The following MAGI1 variants were observed in gnomAD, a reference collection of about 807,000 sequenced individuals.
MAGI1 encodes the protein membrane associated guanylate kinase, WW and PDZ domain containing 1.
In MAGI1, 58 loss-of-function variants were observed where a neutral mutation model predicts 139.9. The ratio of observed to expected loss-of-function variants is 0.41; its 90% confidence interval spans 0.34 to 0.52. The LOEUF (loss-of-function observed/expected upper bound fraction) is 0.52, where lower values mean the gene tolerates loss of function less well. Ranked by LOEUF, MAGI1 falls within the 20% of genes least tolerant of loss-of-function variation. MAGI1 has a pLI of 0.12. For synonymous variants in MAGI1, 812 were observed against 737.9 expected, an observed-to-expected ratio of 1.10 and a Z score of -1.63; for missense variants, 1,874 against 1,901.6, an observed-to-expected ratio of 0.99 and a Z score of 0.27.
intron 3 of MAGI1, among the ~76,000 whole-genome samples, chr3:65,482,929 T>A (rs1951379507): frequency 6.6e-6 from 1 of 152,194 alleles, no homozygotes. Context: ...ACATACTAAA[T>A]CAAGGATTTC....
intron 2 of MAGI1, among the ~76,000 whole-genome samples, chr3:65,576,945 A>T (rs1001880344): frequency 3.9e-5 from 6 of 152,254 alleles, no homozygotes; most frequent in Non-Finnish European, 8.8e-5. Context: ...TCTAGTTTAT[A>T]TAACCCTAGT....
chr3:65,618,202 C>T (rs535720652), intron 2 of MAGI1, among the ~76,000 whole-genome samples: 1 of 152,102 alleles, frequency 6.6e-6, no homozygotes, highest in Admixed American at 6.5e-5. Context: ...GGTTGAAGCG[C>T]AGAGTGGGAG....
Position 66,038,340 on chromosome 3 carries a change from A to C in MAGI1, c.-32T>G, listed in dbSNP as rs749403510. On this transcript the variant is annotated 5_prime_UTR_variant, in exon 1 of 23. Coordinates refer to ENST00000402939, the MANE Select transcript of MAGI1 (RefSeq NM_001033057.2). ...TTACACCCCTCCTCCAAAAAAATAA[A>C]ACGAGAGACAGGTGCCCCCCACAGC... 2 of 1,515,460 alleles carry C rather than the reference A, an allele frequency of 1.3e-6. No individual in the cohort carries two copies. The highest frequency in any genetic ancestry group is 1.8e-6 in the Non-Finnish European group (2 of 1,133,718). The allele number at this position is 1,515,460 out of a possible 1,614,324, so 93.9% of individuals were successfully genotyped here.
At chr3:65,522,829 A>G (rs1275888873) in intron 2 of MAGI1, among the ~76,000 whole-genome samples, 1 of 152,150 alleles carries the variant, frequency 6.6e-6, no homozygotes, top group East Asian at 1.9e-4. Flanking sequence ...TGGAGATTCT[A>G]TACCTATAAT....
chr3:65,888,158 G>C (rs758649567), intron 1 of MAGI1, among the ~76,000 whole-genome samples: 6 of 152,146 alleles, frequency 3.9e-5, no homozygotes, highest in Non-Finnish European at 7.4e-5. Flanking sequence ...TGGTAAGAAA[G>C]CTGCTACATA....
At chr3:65,672,167 C>T (rs2086902230) in intron 1 of MAGI1, among the ~76,000 whole-genome samples, 1 of 152,120 alleles carries the variant, frequency 6.6e-6, no homozygotes, top group Non-Finnish European at 1.5e-5. Flanking sequence ...GGGGAGTGTG[C>T]TCCTCTTTTC....
chr3:65,919,631 G>A (rs1209301440), intron 1 of MAGI1, among the ~76,000 whole-genome samples: 1 of 151,918 alleles, frequency 6.6e-6, no homozygotes, highest in Non-Finnish European at 1.5e-5. Context: ...ACAAGAGAAG[G>A]TATCAGGAGG....
At chr3:65,543,461 T>C (rs1559654666) in intron 2 of MAGI1, among the ~76,000 whole-genome samples, 2 of 152,180 alleles carry the variant, frequency 1.3e-5, no homozygotes, top group Non-Finnish European at 2.9e-5. Context: ...CGTATATTTA[T>C]TGCAGCACTA....
chr3:65,493,684 A>G (rs2107670998), intron 2 of MAGI1, 53 bp from the exon 3 acceptor site: 1 of 1,607,276 alleles, frequency 6.2e-7, no homozygotes, highest in Non-Finnish European at 8.5e-7. Flanking sequence ...TAAAACAGGA[A>G]GTTCCACATC....
rs116519779 is a variant in MAGI1 at position 65,838,287 on chromosome 3, G to A, written c.313+199709C>T. Among the ~76,000 whole-genome samples the A allele has an allele frequency of 1.8e-3, 277 of 152,132 alleles. 4 individuals carry two copies. Among genetic ancestry groups the A allele is most frequent in the African/African-American group, 6.5e-3 (268 of 41,490 alleles). ...AGATCCCGCCACTGCAGTCCAGCCT[G>A]GGTGACAGAGTGAGACTCAAAACAA... On this transcript the variant is annotated intron_variant, in intron 1 of 22. Transcript: ENST00000402939.
chr3:65,394,128 C>T (rs901930823), intron 13 of MAGI1, among the ~76,000 whole-genome samples: 2 of 152,092 alleles, frequency 1.3e-5, no homozygotes, highest in African/African-American at 2.4e-5. Flanking sequence ...ATAAGAAATC[C>T]CTGACATGGA....
At chr3:66,030,923 T>C (rs1400289458) in intron 1 of MAGI1, among the ~76,000 whole-genome samples, 1 of 152,236 alleles carries the variant, frequency 6.6e-6, no homozygotes, top group African/African-American at 2.4e-5. Context: ...TTCGGAAAAG[T>C]TGACATCCAG....
At chr3:65,867,875 G>A (rs1200359064) in intron 1 of MAGI1, among the ~76,000 whole-genome samples, 5 of 152,152 alleles carry the variant, frequency 3.3e-5, no homozygotes, top group Non-Finnish European at 7.3e-5. Context: ...CTCTGCACTG[G>A]AGACTCAGGG....
intron 1 of MAGI1, among the ~76,000 whole-genome samples, chr3:65,699,620 C>T (rs1471563718): frequency 2.7e-5 from 4 of 148,778 alleles, no homozygotes. Context: ...AGTAAACTAT[C>T]GCAACAACAA....
chr3:65,360,188 CT>C, intron 22 of MAGI1: 1 of 985,268 alleles, frequency 1.0e-6, no homozygotes, highest in Non-Finnish European at 1.2e-6. Context: ...CAAAATGCAA[CT>C]GAGAATTGTG....
chr3:65,723,649 A>T (rs890951425), intron 1 of MAGI1, among the ~76,000 whole-genome samples: 1 of 152,236 alleles, frequency 6.6e-6, no homozygotes, highest in Non-Finnish European at 1.5e-5. Flanking sequence ...CACAGATAAT[A>T]AACTGGGATC....
At chr3:65,878,704 T>C (rs1022044076) in intron 1 of MAGI1, among the ~76,000 whole-genome samples, 5 of 152,130 alleles carry the variant, frequency 3.3e-5, no homozygotes, top group African/African-American at 1.2e-4. Context: ...GAATGCATAT[T>C]TCGTTTGTGG....
chr3:65,803,325 C>T (rs2040634630), intron 1 of MAGI1, among the ~76,000 whole-genome samples: 1 of 152,018 alleles, frequency 6.6e-6, no homozygotes. Flanking sequence ...GAAAAAATAT[C>T]AAAGGTTTCT....
Position 65,541,949 on chromosome 3 carries a change from G to C in MAGI1, c.431-48318C>G, listed in dbSNP as rs564516952. Among the ~76,000 whole-genome samples the C allele has an allele frequency of 7.2e-5, 11 of 152,160 alleles. No individual in the cohort carries two copies. In the South Asian group the frequency reaches 1.0e-3, roughly 14 times the overall value. ...AATCAGGCAGGAGAAAGAAATAAAG[G>C]GTATTCAATTAGGAAAAGAAGAAGT... On this transcript the variant is annotated intron_variant, in intron 2 of 22. Transcript: ENST00000402939.
Sources: gnomAD v4.1 joint callset for allele counts (sites outside exome capture counted in the v4.1 genomes callset) on GRCh38, gnomAD v4.1.1 for gene constraint, MANE v1.5 for transcripts, NCBI Gene and HGNC (gene_info 2026-07-23, HGNC 2026-07-21) for gene names.